CREB5: variants seen among roughly 807,000 people sequenced by gnomAD.
CREB5 encodes cAMP responsive element binding protein 5, also known as cyclic AMP-responsive element-binding protein 5.
In CREB5, 19 loss-of-function variants were observed where a neutral mutation model predicts 57.1. The observed-to-expected ratio is 0.33, with a 90% confidence interval of 0.23 to 0.49. The LOEUF (loss-of-function observed/expected upper bound fraction) is 0.49, where lower values mean the gene tolerates loss of function less well. CREB5 is among the 20% of genes least tolerant of loss of function. The probability of loss-of-function intolerance (pLI) is 0.99; values close to 1 mark genes in which losing one functional copy is unlikely to be tolerated. For missense variants in CREB5, 579 were observed against 671.6 expected (o/e 0.86, Z 1.52); for synonymous variants, 238 against 238.3 (o/e 1.00, Z 0.01).
intron 1 of CREB5, among the ~76,000 whole-genome samples, chr7:28,376,094 G>A (rs1445334531): frequency 6.6e-6 from 1 of 152,152 alleles, no homozygotes; most frequent in African/African-American, 2.4e-5. Flanking sequence ...TGGCTCATCA[G>A]ACTGATTGTT....
At chr7:28,596,526 G>A (rs190628647) in intron 5 of CREB5, among the ~76,000 whole-genome samples, 2 of 152,300 alleles carry the variant, frequency 1.3e-5, no homozygotes, top group Middle Eastern at 3.4e-3. Flanking sequence ...AAAGGAGAAT[G>A]CACTAGAATT....
chr7:28,798,706 G>A (rs746909594), intron 7 of CREB5, among the ~76,000 whole-genome samples: 2 of 152,148 alleles, frequency 1.3e-5, no homozygotes, highest in Non-Finnish European at 2.9e-5. Context: ...GCTTCTCGCC[G>A]CCTCCCCTAA....
intron 1 of CREB5, among the ~76,000 whole-genome samples, chr7:28,364,167 A>G (rs1404615929): frequency 2.0e-5 from 3 of 152,154 alleles, no homozygotes; most frequent in South Asian, 4.1e-4. Flanking sequence ...TGTTTCTTCA[A>G]TTGGGTGTTA....
intron 7 of CREB5, among the ~76,000 whole-genome samples, chr7:28,800,180 A>G (rs1808281668): frequency 6.6e-6 from 1 of 152,230 alleles, no homozygotes; most frequent in Non-Finnish European, 1.5e-5. Flanking sequence ...TACTAGGACC[A>G]TATAACAACA....
intron 1 of CREB5, among the ~76,000 whole-genome samples, chr7:28,332,797 A>G (rs1421351767): frequency 6.6e-6 from 1 of 152,206 alleles, no homozygotes; most frequent in Non-Finnish European, 1.5e-5. Flanking sequence ...AAATGTAGCT[A>G]TACATCATCA....
intron 1 of CREB5, among the ~76,000 whole-genome samples, chr7:28,347,108 C>A (rs1786076425): frequency 6.6e-6 from 1 of 152,120 alleles, no homozygotes; most frequent in Non-Finnish European, 1.5e-5. Context: ...ACACTGTGGC[C>A]CTGGGGCTTA....
Position 28,489,296 on chromosome 7 carries a change from C to CTTTTTTTTTTTTTTT in CREB5, c.75+1057_75+1071dup, listed in dbSNP as rs70977046. ...TAAGAAGGATTCATTGAGGACCCTT[C>CTTTTTTTTTTTTTTT]TTTTTTTTTTTTTTTTTTTTTGAGA... On this transcript the variant is annotated intron_variant, in intron 2 of 10. Coordinates refer to ENST00000357727, the MANE Select transcript of CREB5 (RefSeq NM_182898.4). Among the ~76,000 whole-genome samples, 2 of 96,648 alleles carry CTTTTTTTTTTTTTTT rather than the reference C, an allele frequency of 2.1e-5. 1 individual carries two copies. The highest frequency in any genetic ancestry group is 3.8e-5 in the Non-Finnish European group (2 of 52,778). The allele number at this position is 96,648 out of a possible 152,430, so 63.4% of individuals were successfully genotyped here. A position where few individuals can be genotyped will look rare whatever the true frequency, so the allele number is the denominator to read the frequency against.
At chr7:28,546,672 C>T (rs1411318310) in intron 4 of CREB5, among the ~76,000 whole-genome samples, 1 of 152,184 alleles carries the variant, frequency 6.6e-6, no homozygotes, top group Non-Finnish European at 1.5e-5. Flanking sequence ...AGGGTTATCC[C>T]ACCTCATCTT....
At chr7:28,616,704 A>T (rs2128681832) in intron 5 of CREB5, among the ~76,000 whole-genome samples, 1 of 152,304 alleles carries the variant, frequency 6.6e-6, no homozygotes, top group Non-Finnish European at 1.5e-5. Flanking sequence ...TAAACAAATA[A>T]AGCTACAGCC....
chr7:28,657,717 G>GAGAAA, intron 5 of CREB5, among the ~76,000 whole-genome samples: 1 of 54,028 alleles, frequency 1.9e-5, no homozygotes, highest in Non-Finnish European at 3.5e-5. Context: ...ACTCTCTCTC[G>GAGAAA]AAAAAAAAAA....
chr7:28,560,913 TGCGTGTGTGCGCGTGC>T (rs1795174829), intron 4 of CREB5, among the ~76,000 whole-genome samples: 3 of 21,950 alleles, frequency 1.4e-4, no homozygotes, highest in Admixed American at 4.7e-4. Flanking sequence ...CGCGTGCGTG[TGCGTGTGTGCGCGTGC>T]GTGTGTGCGT....
intron 7 of CREB5, among the ~76,000 whole-genome samples, chr7:28,803,081 C>G (rs551718464): frequency 1.7e-4 from 26 of 152,292 alleles, no homozygotes; most frequent in African/African-American, 6.3e-4. Flanking sequence ...GCTGACCCCT[C>G]CTTTAGACTC....
chr7:28,675,108 C>T lies in CREB5; in HGVS notation c.465-43645C>T, dbSNP rs752197218. 2.8e-4 allele frequency among the ~76,000 whole-genome samples: 42 copies of T among 152,362 alleles called. No individual in the cohort carries two copies. In the Middle Eastern group the frequency reaches 0.014, roughly 49 times the overall value. ...TCAATCCTCAGGTAAAATGTCATCTCTTTGGAGGGGAGTTGCCTAAATATT... is the reference window on the plus strand; with the variant it reads ...TCAATCCTCAGGTAAAATGTCATCTTTTTGGAGGGGAGTTGCCTAAATATT... On this transcript the variant is annotated intron_variant, in intron 5 of 10. Transcript: ENST00000357727.
chr7:28,319,139 G>A (rs1014869111), intron 1 of CREB5, among the ~76,000 whole-genome samples: 3 of 152,082 alleles, frequency 2.0e-5, no homozygotes, highest in African/African-American at 7.2e-5. Flanking sequence ...GAGAAGGAGA[G>A]GGAGCCATAA....
chr7:28,300,318 A>G (rs1010725165), intron 1 of CREB5, among the ~76,000 whole-genome samples: 6 of 152,156 alleles, frequency 3.9e-5, no homozygotes, highest in Non-Finnish European at 4.4e-5. Context: ...ATTTGTGTCA[A>G]CATTCAGGAG....
intron 1 of CREB5, among the ~76,000 whole-genome samples, chr7:28,414,025 C>T (rs561237541): frequency 5.3e-5 from 8 of 152,010 alleles, no homozygotes; most frequent in South Asian, 2.1e-4. Context: ...ATTATTTTGT[C>T]GGTGTGTAGT....
At chr7:28,743,147 T>C (rs73306985) in intron 7 of CREB5, among the ~76,000 whole-genome samples, 2,741 of 152,292 alleles carry the variant, frequency 0.018, 86 homozygotes, top group African/African-American at 0.063. Flanking sequence ...AGGTGCTATA[T>C]AGCTCATTGT....
chr7:28,480,499 C>CT (rs1791279195), intron 1 of CREB5, among the ~76,000 whole-genome samples: 1 of 152,030 alleles, frequency 6.6e-6, no homozygotes, highest in South Asian at 2.1e-4. Context: ...TCTAATTTTT[C>CT]TTTTTTGTTT....
At chr7:28,472,119 C>T (rs1486120006) in intron 1 of CREB5, among the ~76,000 whole-genome samples, 1 of 146,908 alleles carries the variant, frequency 6.8e-6, no homozygotes, top group African/African-American at 2.5e-5. Flanking sequence ...TCTCTAGCCA[C>T]TAAACCCAAA....
Sources: allele counts gnomAD v4.1 joint callset (sites outside exome capture counted in the v4.1 genomes callset), GRCh38; gene constraint gnomAD v4.1.1; transcripts MANE v1.5; gene names NCBI Gene and HGNC (gene_info 2026-07-23, HGNC 2026-07-21).